The following UBA5 variants were observed in gnomAD, a reference collection of about 807,000 sequenced individuals.
UBA5 encodes ubiquitin like modifier activating enzyme 5.
In UBA5, 28 loss-of-function variants were observed where a neutral mutation model predicts 52.9. The ratio of observed to expected loss-of-function variants is 0.53; its 90% CI spans 0.39 to 0.73. UBA5 has a LOEUF of 0.73. UBA5 is among the 30% of genes least tolerant of loss of function. The pLI, the probability that UBA5 is intolerant of heterozygous loss-of-function variation, is 0.00. For missense variants in UBA5, 388 were observed against 492.7 expected, an observed-to-expected ratio of 0.79 and a Z score of 2.01; for synonymous variants, 135 against 162.1, an observed-to-expected ratio of 0.83 and a Z score of 1.27.
intron 6 of UBA5, 51 bp from the exon 7 acceptor site, chr3:132,671,726 C>G: frequency 7.1e-7 from 1 of 1,400,314 alleles, no homozygotes; most frequent in Admixed American, 2.1e-5. Flanking sequence ...TTGTAAATTA[C>G]TTCTTGCTCT....
chr3:132,671,972 A>C (rs1938623653), intron 7 of UBA5, 78 bp from the exon 8 acceptor site: 2 of 1,601,524 alleles, frequency 1.2e-6, no homozygotes, highest in Non-Finnish European at 1.7e-6. Flanking sequence ...AAGAAAAAGC[A>C]AACTTGGATG....
chr3:132,657,678 T>G (rs1217390291), upstream of UBA5, among the ~76,000 whole-genome samples: 1 of 152,170 alleles, frequency 6.6e-6, no homozygotes, highest in Non-Finnish European at 1.5e-5. Context: ...TCCTGTAAGT[T>G]TTTGAAAATT....
At chr3:132,656,903 GCAT>G (rs1419726700), upstream of UBA5, among the ~76,000 whole-genome samples, 1 of 151,354 alleles carries the variant, frequency 6.6e-6, no homozygotes, top group African/African-American at 2.4e-5. Flanking sequence ...ATAAAGTTGA[GCAT>G]CATCAAGTTT....
intron 1 of UBA5, among the ~76,000 whole-genome samples, chr3:132,663,296 T>C (rs6792511): frequency 0.026 from 3,968 of 152,192 alleles, 173 homozygotes; most frequent in African/African-American, 0.09. Flanking sequence ...TACTCCACTG[T>C]GGGTAACTGG....
upstream of UBA5, chr3:132,659,544 G>C: frequency 3.1e-6 from 5 of 1,603,492 alleles, no homozygotes; most frequent in Middle Eastern, 1.7e-4. Context: ...CAGGGCCAAA[G>C]GAAGGAAAAC....
Position 132,672,051 on chromosome 3 carries a change from G to A in UBA5, c.686G>A (p.Cys229Tyr). 6.2e-7 allele frequency: 1 copy of A among 1,613,416 alleles called. No homozygotes were observed. ...IIPGESACFA[C>Y]APPLVVAANI... ...AAATGTGTTTTATTTTTCATGTAGTGTGCTCCACCACTTGTAGTTGCTGCA... is the reference window on the plus strand; with the variant it reads ...AAATGTGTTTTATTTTTCATGTAGTATGCTCCACCACTTGTAGTTGCTGCA... The change falls in exon 8 of 12, where the codon TGT (cysteine) becomes TAT (tyrosine). Residue 229 changes from cysteine to tyrosine, a missense_variant and splice_region_variant. By Grantham distance (194) the Cys-to-Tyr change is radical. Around this residue, in one of 3 missense-constraint regions of UBA5, gnomAD observed 277 missense variants for 326.4 expected, o/e 0.85. Coordinates refer to ENST00000356232, the MANE Select transcript of UBA5 (RefSeq NM_024818.6).
intron 1 of UBA5, among the ~76,000 whole-genome samples, chr3:132,663,975 TCATC>T (rs1938272455): frequency 1.3e-5 from 2 of 152,022 alleles, no homozygotes; most frequent in African/African-American, 4.8e-5. Context: ...TTGAAAGAAA[TCATC>T]CAGAGAATAG....
chr3:132,658,154 C>T (rs1937918744), upstream of UBA5, among the ~76,000 whole-genome samples: 3 of 152,156 alleles, frequency 2.0e-5, no homozygotes, highest in Admixed American at 2.0e-4. Flanking sequence ...TGAGTCACTG[C>T]ACCTGGCCAA....
At chr3:132,656,635 C>G (rs1413438120), upstream of UBA5, among the ~76,000 whole-genome samples, 2 of 151,828 alleles carry the variant, frequency 1.3e-5, no homozygotes, top group African/African-American at 4.8e-5. Context: ...CTGGGATTTA[C>G]AGGTACCCAC....
Position 132,672,138 on chromosome 3 carries a change from T to C in UBA5, c.773T>C (p.Met258Thr). The change falls in exon 8 of 12, where the codon ATG becomes ACG. Residue 258 changes from methionine to threonine, a missense_variant. Physicochemically the swap from Met to Thr is moderately conservative, Grantham distance 81. Around this residue, in one of 3 missense-constraint regions of UBA5, gnomAD observed 277 missense variants for 326.4 expected, o/e 0.85. Coordinates refer to ENST00000356232, the MANE Select transcript of UBA5 (RefSeq NM_024818.6). ...TGTGCAGCCAGTCTTCCTACCACTA[T>C]GGGTGTGGTTGCTGGGATCTTAGTA... ...GVCAASLPTT[M>T]GVVAGILVQN... The C allele has an allele frequency of 6.2e-7, 1 of 1,614,014 alleles. No individual in the cohort carries two copies. Among genetic ancestry groups the C allele is most frequent in the Non-Finnish European group, 8.5e-7 (1 of 1,179,924 alleles).
chr3:132,657,634 C>T (rs920971215), upstream of UBA5, among the ~76,000 whole-genome samples: 1 of 152,132 alleles, frequency 6.6e-6, no homozygotes, highest in Non-Finnish European at 1.5e-5. Context: ...AGGTATTGCA[C>T]ATCTTTTACT....
Position 132,676,312 on chromosome 3 carries a change from A to T in UBA5, c.1132-131A>T. ...ACTCTGTCTTTCTTCTAAAAATTAG[A>T]AGATAGTTGTTAAAGAAAATTTACT... On this transcript the variant is annotated intron_variant, in intron 11 of 11. Coordinates refer to ENST00000356232, the MANE Select transcript of UBA5 (RefSeq NM_024818.6). This position sits in a 1 kb window ranked among gnomAD's most constrained non-coding sequence, Gnocchi z 4.1. 1 of 667,610 alleles carries T rather than the reference A, an allele frequency of 1.5e-6. No individual in the cohort carries two copies. Among genetic ancestry groups the T allele is most frequent in the Non-Finnish European group, 2.5e-6 (1 of 396,324 alleles). The allele number at this position is 667,610 out of a possible 1,614,324, so 41.4% of individuals were successfully genotyped here. A position where few individuals can be genotyped will look rare whatever the true frequency, so the allele number is the denominator to read the frequency against.
In UBA5 at chr3:132,672,166, A is replaced by C. The variant is rs1480356379; in HGVS notation, c.801A>C (p.Gln267His). The change falls in exon 8 of 12, where the codon CAA becomes CAC. Residue 267 changes from glutamine (Q) to histidine (H), a missense_variant. Transcript: ENST00000356232. ...TMGVVAGILV[Q>H]NVLKFLLNFG... ...GTGTGGTTGCTGGGATCTTAGTACAAAACGTGTTAAAGTAAGTCAGGGCTA... is the reference window on the plus strand; with the variant it reads ...GTGTGGTTGCTGGGATCTTAGTACACAACGTGTTAAAGTAAGTCAGGGCTA... The C allele has an allele frequency of 6.2e-7, 1 of 1,613,536 alleles. No homozygotes were observed. The highest frequency in any genetic ancestry group is 8.5e-7 in the Non-Finnish European group (1 of 1,179,812).
intron 1 of UBA5, among the ~76,000 whole-genome samples, chr3:132,655,045 AC>A (rs1937708601): frequency 6.6e-6 from 1 of 152,208 alleles, no homozygotes; most frequent in African/African-American, 2.4e-5. Context: ...ACACATTTAA[AC>A]ATAGAAAAGG....
rs1362027308 is a variant in UBA5 at position 132,674,442 on chromosome 3, A to G, written c.813-806A>G. ...GTGGCTCACGCCTGTAATCCCAACA[A>G]TTTGGGAGGCCAAGGCAGGCGGATT... On this transcript the variant is annotated intron_variant, in intron 8 of 11. Coordinates refer to ENST00000356232, the MANE Select transcript of UBA5 (RefSeq NM_024818.6). 2.6e-5 allele frequency among the ~76,000 whole-genome samples: 4 copies of G among 152,168 alleles called. No homozygotes were observed. The East Asian group carries it at 5.8e-4, about 22-fold the overall frequency.
intron 9 of UBA5, 43 bp downstream of exon 9, chr3:132,675,426 T>C (rs1333239724): frequency 8.8e-6 from 14 of 1,599,810 alleles, no homozygotes; most frequent in Non-Finnish European, 1.1e-5. Flanking sequence ...TCATATTGAA[T>C]AGGACAATAC....
chr3:132,675,333 A>G lies in UBA5; in HGVS notation c.898A>G (p.Asn300Asp). ...TTTTCCTACTATGTCCATGAAGCCA[A>G]ATCCTCAGTGTGATGACAGAAATTG... ...DFFPTMSMKPNPQCDDRNCRK... is the reference protein window; with the variant it reads ...DFFPTMSMKPDPQCDDRNCRK... The change falls in exon 9 of 12, where the codon AAT (asparagine) becomes GAT (aspartate). Residue 300 changes from asparagine to aspartate, a missense_variant. Asn to Asp is a conservative substitution (Grantham distance 23). Transcript: ENST00000356232. 6.2e-7 allele frequency: 1 copy of G among 1,613,790 alleles called. No individual in the cohort carries two copies. Among genetic ancestry groups the G allele is most frequent in the Non-Finnish European group, 8.5e-7 (1 of 1,179,842 alleles).
In UBA5 at chr3:132,676,321, G is replaced by T; in HGVS notation, c.1132-122G>T. On this transcript the variant is annotated intron_variant, in intron 11 of 11. Coordinates refer to ENST00000356232, the MANE Select transcript of UBA5 (RefSeq NM_024818.6). This position sits in a 1 kb window ranked among gnomAD's most constrained non-coding sequence, Gnocchi z 4.1. The stretch of plus-strand genomic sequence containing the variant: ...TTCTTCTAAAAATTAGAAGATAGTT[G>T]TTAAAGAAAATTTACTTTATAACCT... The T allele has an allele frequency of 1.4e-6, 1 of 715,606 alleles. No homozygotes were observed. The highest frequency in any genetic ancestry group is 1.9e-5 in the African/African-American group (1 of 53,624). The allele number at this position is 715,606 out of a possible 1,614,324, so 44.3% of individuals were successfully genotyped here. A position where few individuals can be genotyped will look rare whatever the true frequency, so the allele number is the denominator to read the frequency against.
intron 8 of UBA5, among the ~76,000 whole-genome samples, chr3:132,674,347 A>G (rs1454136940): frequency 2.0e-5 from 3 of 152,144 alleles, no homozygotes; most frequent in African/African-American, 7.2e-5. Context: ...GGATTTTGCC[A>G]TTACTTTTAA....
Sources: allele counts gnomAD v4.1 joint callset (sites outside exome capture counted in the v4.1 genomes callset), GRCh38; gene constraint gnomAD v4.1.1; regional missense constraint gnomAD v4.1.1; non-coding constraint Gnocchi (gnomAD v3.1); transcripts MANE v1.5; gene names NCBI Gene and HGNC (gene_info 2026-07-23, HGNC 2026-07-21).